FAM120B: variants seen among roughly 807,000 people sequenced by gnomAD.
FAM120B encodes the protein constitutive coactivator of peroxisome proliferator-activated receptor gamma.
Under a neutral mutation model 96.3 loss-of-function variants are expected in FAM120B, and 83 were observed. The ratio of observed to expected loss-of-function variants is 0.86; its 90% confidence interval spans 0.72 to 1.03. The LOEUF (loss-of-function observed/expected upper bound fraction) is 1.03. Ranked by LOEUF, FAM120B falls within the 50% of genes least tolerant of loss-of-function variation. The pLI is 0.00. For missense variants in FAM120B, 1,027 were observed against 1,121.2 expected (o/e 0.92, Z 1.20); for synonymous variants, 407 against 402.7 (o/e 1.01, Z -0.13).
rs1443604593 is a variant in FAM120B at position 170,405,794 on chromosome 6, G to A, written c.*1043G>A. 6.6e-6 allele frequency: 1 copy of A among 152,184 alleles called. No homozygotes were observed. The highest frequency in any genetic ancestry group is 2.4e-5 in the African/African-American group (1 of 41,442). 9.4% of individuals were successfully genotyped at this position (152,184 alleles called of 1,614,324 possible). On this transcript the variant is annotated 3_prime_UTR_variant, in exon 11 of 11. Coordinates refer to ENST00000476287, the MANE Select transcript of FAM120B (RefSeq NM_032448.3). ...TGACTCCTGTGTCTGTTTCTGTGGG[G>A]TCATCCCTTTCGTTTCATTTTGCCA...
chr6:170,334,988 G>C (rs565559992), intron 4 of FAM120B, among the ~76,000 whole-genome samples: 1 of 146,374 alleles, frequency 6.8e-6, no homozygotes, highest in Admixed American at 6.8e-5. Context: ...TTTGAATTTT[G>C]TTCATCTAAA....
chr6:170,294,379 T>TTTTTG (rs1205446156), upstream of FAM120B, among the ~76,000 whole-genome samples: 4 of 152,076 alleles, frequency 2.6e-5, no homozygotes, highest in East Asian at 1.9e-4. The surrounding 1 kb of genome is among the most constrained non-coding windows in gnomAD (Gnocchi z 7.9). Flanking sequence ...GTGGTGGTGT[T>TTTTTG]TTTTGTTTTG....
chr6:170,377,717 T>A (rs1180039053), intron 6 of FAM120B, among the ~76,000 whole-genome samples: 17 of 139,988 alleles, frequency 1.2e-4, no homozygotes, highest in Admixed American at 6.4e-4. Flanking sequence ...TGCACACGCG[T>A]CCCTAATCCC....
chr6:170,390,979 C>A, intron 7 of FAM120B, 34 bp from the exon 8 acceptor site: 3 of 1,576,482 alleles, frequency 1.9e-6, no homozygotes, highest in Non-Finnish European at 1.7e-6. Flanking sequence ...ACATCTGGCC[C>A]CTCACATCTC....
chr6:170,344,300 G>A (rs1388565948), intron 4 of FAM120B, among the ~76,000 whole-genome samples: 15 of 127,270 alleles, frequency 1.2e-4, no homozygotes, highest in African/African-American at 4.4e-4. Context: ...TGCCTGCGGT[G>A]CTAGCCTCTC....
At position 170,319,138 on chromosome 6, in the gene FAM120B, C is replaced by T; in HGVS notation, c.1734+14C>T. The T allele has an allele frequency of 6.5e-7, 1 of 1,531,970 alleles. No homozygotes were observed. Among genetic ancestry groups the T allele is most frequent in the Non-Finnish European group, 8.7e-7 (1 of 1,148,080 alleles). The allele number at this position is 1,531,970 out of a possible 1,614,324, so 94.9% of individuals were successfully genotyped here. On this transcript the variant is annotated intron_variant, in intron 2 of 10. Coordinates refer to ENST00000476287, the MANE Select transcript of FAM120B (RefSeq NM_032448.3). ...GAAATCTTAAAGGTATGTGTATCTG[C>T]CCAGCCAATATGCCATGATTGAAAA... is the stretch of plus-strand genomic sequence containing the variant.
chr6:170,404,467 A>G (rs1583325394), intron 9 of FAM120B, 83 bp from the exon 10 acceptor site: 1 of 1,235,542 alleles, frequency 8.1e-7, no homozygotes, highest in Non-Finnish European at 1.2e-6. Flanking sequence ...ATCTTTGTTC[A>G]TACTTAGAAA....
At chr6:170,305,425 C>G (rs533081377), upstream of FAM120B, among the ~76,000 whole-genome samples, 3 of 152,314 alleles carry the variant, frequency 2.0e-5, no homozygotes, top group Admixed American at 6.5e-5. Flanking sequence ...GATTCCTTCC[C>G]AAATCCTTTA....
intron 4 of FAM120B, among the ~76,000 whole-genome samples, chr6:170,345,050 G>C (rs1787087111): frequency 6.6e-6 from 1 of 152,116 alleles, no homozygotes; most frequent in African/African-American, 2.4e-5. Context: ...AATGTTCCCC[G>C]GGGGCAGACA....
intron 4 of FAM120B, among the ~76,000 whole-genome samples, chr6:170,335,249 T>A (rs1786337191): frequency 6.8e-6 from 1 of 147,590 alleles, no homozygotes. Flanking sequence ...GATGTTCCCC[T>A]CCCTGTGTCC....
chr6:170,381,440 A>G (rs1789894717), intron 6 of FAM120B, among the ~76,000 whole-genome samples: 3 of 152,174 alleles, frequency 2.0e-5, no homozygotes, highest in Admixed American at 2.0e-4. Flanking sequence ...GTCACTCGGT[A>G]ATTTACCATA....
At position 170,370,495 on chromosome 6, in the gene FAM120B, A is replaced by C. The variant is rs1053433781; in HGVS notation, c.2283+12177A>C. ...TTCCTGGTTCCAGGAGCTGCTGTCCAGTCGTGCTCTGGAAGATCTGAGTTC... is the reference window on the plus strand; with the variant it reads ...TTCCTGGTTCCAGGAGCTGCTGTCCCGTCGTGCTCTGGAAGATCTGAGTTC... On this transcript the variant is annotated intron_variant, in intron 6 of 10. Coordinates refer to ENST00000476287, the MANE Select transcript of FAM120B (RefSeq NM_032448.3). This position sits in a 1 kb window ranked among gnomAD's most constrained non-coding sequence, Gnocchi z 4.3. Among the ~76,000 whole-genome samples the C allele has an allele frequency of 6.6e-6, 1 of 152,134 alleles. No homozygotes were observed. The highest frequency in any genetic ancestry group is 2.4e-5 in the African/African-American group (1 of 41,424).
At chr6:170,336,261 C>T (rs1451511602) in intron 4 of FAM120B, among the ~76,000 whole-genome samples, 1 of 152,148 alleles carries the variant, frequency 6.6e-6, no homozygotes, top group African/African-American at 2.4e-5. Context: ...CTGTTTTCTG[C>T]TTATGGCTAG....
intron 4 of FAM120B, among the ~76,000 whole-genome samples, chr6:170,341,450 G>A (rs577797252): frequency 3.9e-5 from 6 of 152,176 alleles, no homozygotes; most frequent in South Asian, 2.1e-4. Flanking sequence ...AATGGGACCC[G>A]CTGAGTGAGA....
intron 1 of FAM120B, among the ~76,000 whole-genome samples, chr6:170,299,856 T>A (rs1284633984): frequency 6.6e-6 from 1 of 152,240 alleles, no homozygotes; most frequent in Non-Finnish European, 1.5e-5. Context: ...TGCTCTGACA[T>A]CCATGCCCTG....
chr6:170,358,753 A>T (rs1788140545), intron 6 of FAM120B, among the ~76,000 whole-genome samples: 1 of 152,220 alleles, frequency 6.6e-6, no homozygotes, highest in African/African-American at 2.4e-5. Flanking sequence ...AAAGAACTTC[A>T]TATGAGGGAG....
intron 5 of FAM120B, among the ~76,000 whole-genome samples, chr6:170,351,472 A>T (rs1007875888): frequency 2.0e-4 from 31 of 152,202 alleles, no homozygotes; most frequent in African/African-American, 7.2e-4. Context: ...GTATGAGAAG[A>T]TCAACCCCAA....
chr6:170,387,258 T>A (rs1790237279), intron 6 of FAM120B, among the ~76,000 whole-genome samples: 1 of 152,262 alleles, frequency 6.6e-6, no homozygotes, highest in Non-Finnish European at 1.5e-5. Context: ...TAATCTCAGT[T>A]CATGATACGT....
intron 6 of FAM120B, among the ~76,000 whole-genome samples, chr6:170,362,281 G>A (rs1448174215): frequency 6.6e-6 from 1 of 152,194 alleles, no homozygotes; most frequent in Non-Finnish European, 1.5e-5. Context: ...GAATGTTTCT[G>A]TGGACATTCA....
Sources: allele counts gnomAD v4.1 joint callset (sites outside exome capture counted in the v4.1 genomes callset), GRCh38; gene constraint gnomAD v4.1.1; non-coding constraint Gnocchi (gnomAD v3.1); transcripts MANE v1.5; gene names NCBI Gene and HGNC (gene_info 2026-07-23, HGNC 2026-07-21).